The following FANCA variants were observed in gnomAD, a reference collection of about 807,000 sequenced individuals.
FANCA encodes FA complementation group A.
A neutral mutation model predicts 194.3 loss-of-function variants in FANCA; 236 were observed. The ratio of observed to expected loss-of-function variants is 1.21; its 90% CI spans 1.09 to 1.35. FANCA has a LOEUF of 1.35. Ranked by LOEUF, FANCA falls within the 40% of genes most tolerant of loss-of-function variation. The pLI, the probability that FANCA is intolerant of heterozygous loss-of-function variation, is 0.00. For missense variants in FANCA, 2,628 were observed against 1,813.9 expected, an observed-to-expected ratio of 1.45 and a Z score of -8.15; for synonymous variants, 1,014 against 715.8, an observed-to-expected ratio of 1.42 and a Z score of -6.65.
At chr16:89,757,511 T>C (rs569065407) in intron 30 of FANCA, among the ~76,000 whole-genome samples, 2 of 152,290 alleles carry the variant, frequency 1.3e-5, no homozygotes, top group African/African-American at 4.8e-5. Context: ...TACTACATGA[T>C]TCTGTTGATA....
At chr16:89,785,071 C>A in intron 14 of FANCA, 107 bp from the exon 15 acceptor site, 1 of 778,228 alleles carries the variant, frequency 1.3e-6, no homozygotes, top group South Asian at 1.4e-5. Context: ...CAGCCAGGCG[C>A]AGCTGCACCA....
At chr16:89,816,174 G>A (rs1234933934) in intron 1 of FANCA, 188 bp from the exon 2 acceptor site, 4 of 644,342 alleles carry the variant, frequency 6.2e-6, no homozygotes, top group East Asian at 3.0e-5. Context: ...CGCCGGGGAA[G>A]ACGGCCCAGG....
chr16:89,778,119 ACC>A (rs2039572509), intron 20 of FANCA, among the ~76,000 whole-genome samples: 2 of 130,276 alleles, frequency 1.5e-5, no homozygotes, highest in African/African-American at 6.0e-5. Flanking sequence ...CCAAGATCGC[ACC>A]ACTGCACTCC....
intron 15 of FANCA, 109 bp downstream of exon 15, chr16:89,784,745 G>C (rs12933720): frequency 3.2e-5 from 27 of 845,096 alleles, no homozygotes; most frequent in Non-Finnish European, 5.2e-5. Context: ...GCCTGGCTGA[G>C]AGGCTCAGAG....
chr16:89,779,996 G>T (rs920248312), intron 17 of FANCA, 39 bp from the exon 18 acceptor site: 3 of 1,580,226 alleles, frequency 1.9e-6, no homozygotes, highest in African/African-American at 2.7e-5. Flanking sequence ...AAGAACAGAG[G>T]ACTTTAAAGA....
At chr16:89,765,503 G>C (rs1029678203) in intron 27 of FANCA, among the ~76,000 whole-genome samples, 4 of 152,276 alleles carry the variant, frequency 2.6e-5, no homozygotes, top group East Asian at 1.9e-4. Context: ...CTGCTTCCTT[G>C]AGCTAAATGT....
At chr16:89,806,727 G>A (rs1316443014) in intron 6 of FANCA, among the ~76,000 whole-genome samples, 3 of 152,190 alleles carry the variant, frequency 2.0e-5, no homozygotes, top group African/African-American at 4.8e-5. Context: ...AGAACAAAAT[G>A]AAAAGTCTCC....
rs2038838513 is a variant in FANCA, at chr16:89,758,564, G to C, written c.2981+13C>G. The C allele has an allele frequency of 1.2e-6, 2 of 1,612,968 alleles. No homozygotes were observed. Among genetic ancestry groups the C allele is most frequent in the East Asian group, 4.5e-5 (2 of 44,838 alleles). Reference sequence around the variant, plus strand: ...TCCCTCCAGAGAACCCTAATACAGTGTGTGCTGCTAACCTTTGGTGGAAAT... The same window carrying C: ...TCCCTCCAGAGAACCCTAATACAGTCTGTGCTGCTAACCTTTGGTGGAAAT... On this transcript the variant is annotated intron_variant, in intron 30 of 42. Transcript: ENST00000389301.
chr16:89,805,064 A>G (rs985405027), intron 7 of FANCA, among the ~76,000 whole-genome samples: 4 of 152,032 alleles, frequency 2.6e-5, no homozygotes, highest in Non-Finnish European at 5.9e-5. Context: ...GAATGGAAAC[A>G]CTTAAACTCA....
chr16:89,815,662 TTTG>T (rs757795156), intron 2 of FANCA, among the ~76,000 whole-genome samples: 4 of 151,994 alleles, frequency 2.6e-5, no homozygotes, highest in African/African-American at 7.2e-5. Context: ...GGCCTGTTTT[TTTG>T]TTGTTGTTGT....
At position 89,746,707 on chromosome 16, in the gene FANCA, CAGG is replaced by C. The variant is rs750820659; in HGVS notation, c.3409-22_3409-20del. The C allele has an allele frequency of 1.3e-5, 21 of 1,612,260 alleles. No individual in the cohort carries two copies. In the South Asian group the frequency reaches 2.2e-4, roughly 17 times the overall value. The stretch of plus-strand genomic sequence containing the variant: ...GGAGGCCCTGCAGGAGAGAACGCAG[CAGG>C]AGGTCAGCGGTTTGTGAGGACCCAC... On this transcript the variant is annotated intron_variant, in intron 34 of 42. Transcript: ENST00000389301.
intron 14 of FANCA, 158 bp downstream of exon 14, chr16:89,791,245 C>T (rs1042511416): frequency 5.7e-5 from 55 of 965,224 alleles, no homozygotes; most frequent in Non-Finnish European, 7.8e-5. Context: ...CCAGGCTCCT[C>T]GGCACACGCA....
chr16:89,806,909 C>T (rs562191810), intron 6 of FANCA, among the ~76,000 whole-genome samples: 236 of 152,280 alleles, frequency 1.5e-3, no homozygotes, highest in African/African-American at 5.3e-3. Flanking sequence ...GGGCTCCTCA[C>T]TTCCCAGTAT....
chr16:89,779,436 T>C (rs768923253), intron 18 of FANCA, among the ~76,000 whole-genome samples: 8 of 152,042 alleles, frequency 5.3e-5, no homozygotes, highest in Non-Finnish European at 1.0e-4. Flanking sequence ...TGACTCCATA[T>C]TGGTCACAAA....
intron 17 of FANCA, 113 bp downstream of exon 17, chr16:89,782,746 A>G: frequency 1.1e-6 from 1 of 947,642 alleles, no homozygotes. Context: ...CCGAGGCAAG[A>G]CCAGACATGA....
chr16:89,798,616 C>T, intron 10 of FANCA: 2 of 1,170,802 alleles, frequency 1.7e-6, no homozygotes, highest in Non-Finnish European at 2.1e-6. Flanking sequence ...ACCTTCCACC[C>T]AGCCCCCACT....
chr16:89,770,245 G>A lies in FANCA; in HGVS notation c.2237C>T (p.Ala746Val). 6.3e-7 allele frequency: 1 copy of A among 1,580,540 alleles called. No homozygotes were observed. Among genetic ancestry groups the A allele is most frequent in the Non-Finnish European group, 8.6e-7 (1 of 1,163,312 alleles). Reference protein sequence around the residue: ...VAPPERQGPWAALFVRTMCGR... With the variant: ...VAPPERQGPWVALFVRTMCGR... The stretch of plus-strand genomic sequence containing the variant: ...ACACATGGTCCTCACGAAGAGGGCA[G>A]CCCAGGGACCCTGCCTGCAGAGACA... The change falls in exon 25 of 43, where the codon GCT (alanine) becomes GTT (valine). Residue 746 changes from alanine to valine, a missense_variant. Coordinates refer to ENST00000389301, the MANE Select transcript of FANCA (RefSeq NM_000135.4).
intron 29 of FANCA, among the ~76,000 whole-genome samples, chr16:89,759,957 GCGGGACCGGGGTGCTCCACCCACGCTGTC>G (rs1355050505): frequency 5.4e-4 from 81 of 150,206 alleles, no homozygotes; most frequent in African/African-American, 1.2e-3. Flanking sequence ...CCCACGCTGT[GCGGGACCGGGGTGCTCCACCCACGCTGTC>G]CGGGACCGGG....
At chr16:89,784,105 C>A (rs947815043) in intron 15 of FANCA, among the ~76,000 whole-genome samples, 3 of 152,070 alleles carry the variant, frequency 2.0e-5, no homozygotes, top group South Asian at 2.1e-4. Flanking sequence ...GTGGCTCACA[C>A]CTGTAATCCC....
Sources: allele counts gnomAD v4.1 joint callset (sites outside exome capture counted in the v4.1 genomes callset), GRCh38; gene constraint gnomAD v4.1.1; transcripts MANE v1.5; gene names NCBI Gene and HGNC (gene_info 2026-07-23, HGNC 2026-07-21).